MBD5: variants seen among roughly 807,000 people sequenced by gnomAD.
The protein encoded by MBD5 is methyl-CpG binding domain protein 5.
Under a neutral mutation model 117.3 loss-of-function variants are expected in MBD5, and 13 were observed. That is an observed-to-expected ratio of 0.11 (90% CI 0.07 to 0.18). The LOEUF is 0.18. MBD5 is among the 10% of genes least tolerant of loss of function. The pLI is 1.00. For missense variants in MBD5, 1,879 were observed against 2,093.8 expected, an observed-to-expected ratio of 0.90 and a Z score of 2.00; for synonymous variants, 727 against 766.4, an observed-to-expected ratio of 0.95 and a Z score of 0.85.
intron 1 of MBD5, among the ~76,000 whole-genome samples, chr2:148,167,597 T>C (rs1353122882): frequency 6.6e-6 from 1 of 152,218 alleles, no homozygotes; most frequent in East Asian, 1.9e-4. Context: ...TTTCTTGGAA[T>C]GGTAGTGTCT....
chr2:148,169,116 G>T lies in MBD5; in HGVS notation c.-924-9584G>T, dbSNP rs1455659115. 5.3e-5 allele frequency among the ~76,000 whole-genome samples: 8 copies of T among 151,964 alleles called. No homozygotes were observed. The South Asian group carries it at 8.3e-4, about 16-fold the overall frequency. The stretch of plus-strand genomic sequence containing the variant: ...CCCCTAAAGTTAAAATATATGAATT[G>T]TCATTGATCATATCTTTAGTTTGCT... On this transcript the variant is annotated intron_variant, in intron 1 of 13. Coordinates refer to ENST00000642680, the MANE Select transcript of MBD5 (RefSeq NM_001378120.1).
chr2:148,280,489 T>G (rs939694461), intron 3 of MBD5, among the ~76,000 whole-genome samples: 1 of 152,304 alleles, frequency 6.6e-6, no homozygotes, highest in Admixed American at 6.5e-5. Flanking sequence ...TGAAGTGCAG[T>G]GGCACGATCA....
At chr2:148,049,717 T>C (rs1694640153) in intron 1 of MBD5, among the ~76,000 whole-genome samples, 1 of 152,198 alleles carries the variant, frequency 6.6e-6, no homozygotes, top group Non-Finnish European at 1.5e-5. Flanking sequence ...AACTTCCAAG[T>C]ACCTCCCTCC....
chr2:148,468,246 CCT>C, intron 7 of MBD5, 93 bp from the exon 8 acceptor site: 1 of 1,004,096 alleles, frequency 1.0e-6, no homozygotes, highest in Non-Finnish European at 1.5e-6. Flanking sequence ...GCCCATCCTC[CCT>C]CTCCCTTCCT....
At chr2:148,385,533 A>C (rs1258136655) in intron 4 of MBD5, among the ~76,000 whole-genome samples, 3 of 152,194 alleles carry the variant, frequency 2.0e-5, no homozygotes, top group Non-Finnish European at 4.4e-5. Flanking sequence ...TGGTTCAACC[A>C]TTGTGGAAGT....
chr2:148,377,133 A>G (rs1704015026), intron 4 of MBD5, among the ~76,000 whole-genome samples: 1 of 151,888 alleles, frequency 6.6e-6, no homozygotes, highest in South Asian at 2.1e-4. Flanking sequence ...CCCACAATAG[A>G]CCATCTGCAA....
chr2:148,021,135 G>C lies in MBD5; in HGVS notation c.-1474G>C, dbSNP rs1305463064. On this transcript the variant is annotated 5_prime_UTR_variant, in exon 1 of 14. Transcript: ENST00000642680. ...GCAGCAGCAGCTGATGATGAAGAGA[G>C]AGGCAGTGGCAGAGGGGGGGCACCT... The C allele has an allele frequency of 6.5e-6, 1 of 153,890 alleles. No homozygotes were observed. The highest frequency in any genetic ancestry group is 1.4e-5 in the Non-Finnish European group (1 of 69,158). The allele number at this position is 153,890 out of a possible 1,614,324, so 9.5% of individuals were successfully genotyped here. A position where few individuals can be genotyped will look rare whatever the true frequency, so the allele number is the denominator to read the frequency against.
At chr2:148,153,797 C>A (rs1180380141) in intron 1 of MBD5, among the ~76,000 whole-genome samples, 1 of 133,994 alleles carries the variant, frequency 7.5e-6, no homozygotes, top group East Asian at 2.2e-4. Context: ...CCATCAGCTC[C>A]TTTAAGCACT....
At chr2:148,157,394 T>C (rs12691779) in intron 1 of MBD5, among the ~76,000 whole-genome samples, 63,125 of 151,678 alleles carry the variant, frequency 0.42, 13,330 homozygotes, top group Middle Eastern at 0.54. Flanking sequence ...ATTGTTTTTT[T>C]AAAAGCATGG....
In MBD5 at chr2:148,462,439, T is replaced by G. The variant is rs375696956; in HGVS notation, c.114-143T>G. The G allele has an allele frequency of 2.7e-4, 176 of 648,974 alleles. 2 individuals carry two copies. In the East Asian group the frequency reaches 3.5e-3, roughly 13 times the overall value. 40.2% of individuals were successfully genotyped at this position (648,974 alleles called of 1,614,324 possible). On this transcript the variant is annotated intron_variant, in intron 5 of 13. Transcript: ENST00000642680. ...TTGTTAAAGGCTATAATTTAGTAGC[T>G]AACATAATATTGACAAAGAAAATGC...
At chr2:148,117,552 T>C (rs967239793) in intron 1 of MBD5, among the ~76,000 whole-genome samples, 4 of 152,206 alleles carry the variant, frequency 2.6e-5, no homozygotes, top group Non-Finnish European at 5.9e-5. Flanking sequence ...GACATACCTA[T>C]ATATTTTTTT....
At chr2:148,024,688 T>C (rs1693849894) in intron 1 of MBD5, among the ~76,000 whole-genome samples, 1 of 152,210 alleles carries the variant, frequency 6.6e-6, no homozygotes, top group Non-Finnish European at 1.5e-5. Flanking sequence ...AACAGCCAAA[T>C]TAAATACTGT....
chr2:148,166,964 G>A (rs1558955555), intron 1 of MBD5, among the ~76,000 whole-genome samples: 1 of 151,670 alleles, frequency 6.6e-6, no homozygotes, highest in Non-Finnish European at 1.5e-5. Context: ...TTTTGTTTCT[G>A]TTTTTTTGAT....
At chr2:148,302,754 C>A (rs1221815978) in intron 3 of MBD5, among the ~76,000 whole-genome samples, 1 of 151,790 alleles carries the variant, frequency 6.6e-6, no homozygotes, top group East Asian at 1.9e-4. Context: ...CCTCAGCCTT[C>A]CGAGTAGCTG....
intron 4 of MBD5, among the ~76,000 whole-genome samples, chr2:148,384,633 CAA>C (rs888626404): frequency 1.3e-5 from 2 of 152,034 alleles, no homozygotes; most frequent in African/African-American, 4.8e-5. Context: ...TATGGAACCA[CAA>C]AAGAGTCCAC....
intron 8 of MBD5, among the ~76,000 whole-genome samples, chr2:148,477,008 A>T (rs75803348): frequency 0.017 from 2,550 of 151,140 alleles, 25 homozygotes; most frequent in Middle Eastern, 0.044. Flanking sequence ...GGAATTTTTT[A>T]AAAAAAACCC....
In MBD5 at chr2:148,310,008, G is replaced by A. The variant is rs561474450; in HGVS notation, c.-679-32206G>A. On this transcript the variant is annotated intron_variant, in intron 3 of 13. Coordinates refer to ENST00000642680, the MANE Select transcript of MBD5 (RefSeq NM_001378120.1). ...CAGGGATAAAGCCAACTTGATCATG[G>A]TGGATAAGCTCTTTGATGTGCTGCT... Among the ~76,000 whole-genome samples, 4 of 152,286 alleles carry A rather than the reference G, an allele frequency of 2.6e-5. No homozygotes were observed. In the South Asian group the frequency reaches 6.2e-4, roughly 24 times the overall value.
intron 12 of MBD5, among the ~76,000 whole-genome samples, chr2:148,509,485 TTTGGCCCTGGGGGGCAGGC>T (rs1486614598): frequency 6.6e-6 from 1 of 152,200 alleles, no homozygotes; most frequent in Non-Finnish European, 1.5e-5. Context: ...CATTTTGGCT[TTTGGCCCTGGGGGGCAGGC>T]TCCGGAGCCT....
chr2:148,459,705 A>C (rs1707006959), intron 5 of MBD5, among the ~76,000 whole-genome samples: 1 of 152,168 alleles, frequency 6.6e-6, no homozygotes, highest in African/African-American at 2.4e-5. Context: ...CCCAGCTTCA[A>C]CAGAATTTGC....
Sources: allele counts gnomAD v4.1 joint callset (sites outside exome capture counted in the v4.1 genomes callset), GRCh38; gene constraint gnomAD v4.1.1; transcripts MANE v1.5; gene names NCBI Gene and HGNC (gene_info 2026-07-23, HGNC 2026-07-21).